The following PPA2 variants were observed in gnomAD, a reference collection of about 807,000 sequenced individuals.
PPA2 encodes the protein inorganic pyrophosphatase 2, also known as inorganic pyrophosphatase 2, mitochondrial.
PPA2 carries 48 observed loss-of-function variants against 49.5 expected under a neutral mutation model. The ratio of observed to expected loss-of-function variants is 0.97; its 90% CI spans 0.77 to 1.23. The LOEUF is 1.23. Among genes scored for constraint, PPA2 ranks in the 50% most tolerant of loss-of-function variants. The pLI is 0.00. For synonymous variants in PPA2, 131 were observed against 139.9 expected, an observed-to-expected ratio of 0.94 and a Z score of 0.45; for missense variants, 429 against 410.1, an observed-to-expected ratio of 1.05 and a Z score of -0.40.
intron 7 of PPA2, chr4:105,407,018 G>A (rs1359228885): frequency 6.6e-6 from 1 of 151,712 alleles, no homozygotes; most frequent in African/African-American, 2.4e-5. Flanking sequence ...TACTAAAATT[G>A]GAACAATACA....
intron 7 of PPA2, among the ~76,000 whole-genome samples, chr4:105,421,285 G>A (rs896322460): frequency 3.3e-5 from 5 of 152,100 alleles, no homozygotes; most frequent in Non-Finnish European, 2.9e-5. Flanking sequence ...AGAAATATAA[G>A]CACATCATTT....
At chr4:105,394,164 C>T (rs879498016) in intron 9 of PPA2, among the ~76,000 whole-genome samples, 4 of 151,944 alleles carry the variant, frequency 2.6e-5, no homozygotes, top group East Asian at 1.9e-4. Flanking sequence ...GCCAGGAATT[C>T]GAGACCACCC....
intron 6 of PPA2, among the ~76,000 whole-genome samples, chr4:105,437,617 A>G (rs556534144): frequency 1.3e-5 from 2 of 152,336 alleles, no homozygotes; most frequent in South Asian, 4.1e-4. Flanking sequence ...TAATAAAATA[A>G]TAATAAAAGG....
rs768476313 is a variant in PPA2, at chr4:105,473,913, C to A, written c.138G>T (p.Gln46His). The A allele has an allele frequency of 1.2e-6, 2 of 1,603,324 alleles. No individual in the cohort carries two copies. The highest frequency in any genetic ancestry group is 2.2e-5 in the South Asian group (2 of 90,658). ...ACTTACTAAAGAAGAGGCGGTAATT[C>A]TGCGAGCAGGGCTGGCCGCGCTCCT... is the stretch of plus-strand genomic sequence containing the variant. ...HTEERGQPCS[Q>H]NYRLFFKNVT... is the part of the protein sequence containing the mutation. Residue 46 changes from glutamine to histidine, a missense_variant, in exon 1 of 12, where the codon CAG (glutamine) becomes CAT (histidine). Transcript: ENST00000341695.
At chr4:105,391,444 A>C (rs960819692) in intron 9 of PPA2, among the ~76,000 whole-genome samples, 1 of 151,974 alleles carries the variant, frequency 6.6e-6, no homozygotes, top group Admixed American at 6.6e-5. Flanking sequence ...GATGAATTGA[A>C]TATATTTATT....
At chr4:105,458,593 G>T (rs1205480772) in intron 1 of PPA2, among the ~76,000 whole-genome samples, 1 of 151,862 alleles carries the variant, frequency 6.6e-6, no homozygotes, top group Non-Finnish European at 1.5e-5. Context: ...AGGCTGAGGC[G>T]GGAGGATCAC....
chr4:105,473,808 C>G, intron 1 of PPA2, 86 bp downstream of exon 1: 1 of 1,527,580 alleles, frequency 6.5e-7, no homozygotes, highest in Non-Finnish European at 8.9e-7. Flanking sequence ...AGGGAGACCG[C>G]GCGGGGCGTC....
chr4:105,406,824 C>G (rs1489787229), intron 7 of PPA2, among the ~76,000 whole-genome samples: 1 of 152,090 alleles, frequency 6.6e-6, no homozygotes, highest in Admixed American at 6.5e-5. Context: ...CAGGGGTCAA[C>G]TGTATATGAG....
intron 4 of PPA2, among the ~76,000 whole-genome samples, chr4:105,447,783 G>A (rs1012727994): frequency 6.7e-6 from 1 of 149,906 alleles, no homozygotes; most frequent in Admixed American, 6.7e-5. Context: ...ACCCAGGCTG[G>A]AGTGCAGTGG....
rs777764834 is a variant in PPA2 at position 105,446,468 on chromosome 4, T to C, written c.356A>G (p.Gln119Arg). 2 of 1,605,062 alleles carry C rather than the reference T, an allele frequency of 1.2e-6. No homozygotes were observed. Among genetic ancestry groups the C allele is most frequent in the South Asian group, 1.1e-5 (1 of 88,584 alleles). The change falls in exon 5 of 12, where the codon CAA becomes CGA. Residue 119 changes from glutamine to arginine, a missense_variant. Coordinates refer to ENST00000341695, the MANE Select transcript of PPA2 (RefSeq NM_176869.3). ...GCGTAGCTTTCCATCCTTTACATATTGTTTAATGGGATTCATTGGCTCCTT... is the reference window on the plus strand; with the variant it reads ...GCGTAGCTTTCCATCCTTTACATATCGTTTAATGGGATTCATTGGCTCCTT... ...ATKEPMNPIK[Q>R]YVKDGKLRYV...
At chr4:105,458,017 A>G (rs760323844) in intron 1 of PPA2, among the ~76,000 whole-genome samples, 3 of 152,212 alleles carry the variant, frequency 2.0e-5, no homozygotes, top group Non-Finnish European at 4.4e-5. Flanking sequence ...ACATCAGAAG[A>G]CTGGAGGTAT....
chr4:105,389,566 C>G (rs2713832), intron 9 of PPA2, among the ~76,000 whole-genome samples: 59,411 of 151,164 alleles, frequency 0.39, 13,071 homozygotes, highest in East Asian at 0.68. Flanking sequence ...TTGACCAAAA[C>G]AAGCAGATGA....
At chr4:105,421,860 C>T (rs954983699) in intron 7 of PPA2, among the ~76,000 whole-genome samples, 11 of 152,044 alleles carry the variant, frequency 7.2e-5, no homozygotes, top group East Asian at 1.9e-4. Flanking sequence ...CTGGTTAACA[C>T]GGTGAAACCC....
chr4:105,386,004 C>T (rs1187748953), intron 10 of PPA2, among the ~76,000 whole-genome samples: 1 of 151,512 alleles, frequency 6.6e-6, no homozygotes, highest in Non-Finnish European at 1.5e-5. Context: ...CTCAGCCTGC[C>T]GAGTAGCTGG....
At chr4:105,394,829 A>C (rs140580140) in intron 9 of PPA2, among the ~76,000 whole-genome samples, 449 of 152,268 alleles carry the variant, frequency 2.9e-3, no homozygotes, top group African/African-American at 0.01. Flanking sequence ...GCTTTTTAGA[A>C]AGTGATTAGG....
intron 3 of PPA2, 48 bp from the exon 4 acceptor site, chr4:105,449,451 T>C (rs770541219): frequency 7.7e-7 from 1 of 1,294,396 alleles, no homozygotes. Flanking sequence ...ATTTTACCTT[T>C]TATTTTTTCC....
chr4:105,471,117 C>T (rs1723505520), intron 1 of PPA2, among the ~76,000 whole-genome samples: 2 of 152,136 alleles, frequency 1.3e-5, no homozygotes, highest in South Asian at 4.1e-4. Context: ...CCATGAAACC[C>T]TCTGTTTTAA....
At position 105,399,035 on chromosome 4, in the gene PPA2, A is replaced by T; in HGVS notation, c.783+2T>A. On this transcript the variant is annotated splice_donor_variant, in intron 8 of 11. Coordinates refer to ENST00000341695, the MANE Select transcript of PPA2 (RefSeq NM_176869.3). LOFTEE classifies it high-confidence loss of function. Reference sequence around the variant, plus strand: ...TTTTAAAATAAAGATTCTCATCTTCACCTTGTTTTTGAATTCTCCATTAAA... The same window carrying T: ...TTTTAAAATAAAGATTCTCATCTTCTCCTTGTTTTTGAATTCTCCATTAAA... 1 of 1,607,562 alleles carries T rather than the reference A, an allele frequency of 6.2e-7. No individual in the cohort carries two copies. Among genetic ancestry groups the T allele is most frequent in the Non-Finnish European group, 8.5e-7 (1 of 1,178,436 alleles).
intron 7 of PPA2, among the ~76,000 whole-genome samples, chr4:105,420,402 GC>G (rs1216126675): frequency 3.3e-5 from 5 of 152,092 alleles, no homozygotes; most frequent in Non-Finnish European, 5.9e-5. Context: ...AACCATGCCG[GC>G]CAAGGATTTA....
Sources: gnomAD v4.1 joint callset for allele counts (sites outside exome capture counted in the v4.1 genomes callset) on GRCh38, gnomAD v4.1.1 for gene constraint, MANE v1.5 for transcripts, NCBI Gene and HGNC (gene_info 2026-07-23, HGNC 2026-07-21) for gene names.